The following CPNE8 variants were observed in gnomAD, a reference collection of about 807,000 sequenced individuals.
The protein encoded by CPNE8 is copine-8.
A neutral mutation model predicts 81.5 loss-of-function variants in CPNE8; 45 were observed. The ratio of observed to expected loss-of-function variants is 0.55; its 90% CI spans 0.44 to 0.71. The LOEUF (loss-of-function observed/expected upper bound fraction) is 0.71. CPNE8 is among the 30% of genes least tolerant of loss of function. CPNE8 has a pLI of 0.00. For missense variants in CPNE8, 594 were observed against 672.1 expected (o/e 0.88, Z 1.28); for synonymous variants, 252 against 226.3 (o/e 1.11, Z -1.02).
intron 6 of CPNE8, among the ~76,000 whole-genome samples, chr12:38,797,049 C>G (rs1017460326): frequency 2.6e-5 from 4 of 152,162 alleles, no homozygotes; most frequent in African/African-American, 2.4e-5. Context: ...CCGGGAAGCT[C>G]GAACTGGGTG....
chr12:38,881,012 C>T (rs1407644990), intron 1 of CPNE8, among the ~76,000 whole-genome samples: 1 of 151,898 alleles, frequency 6.6e-6, no homozygotes, highest in Admixed American at 6.6e-5. Context: ...AGATTGAGAC[C>T]ATCCTAGCTA....
At chr12:38,661,685 A>T (rs192507703) in intron 19 of CPNE8, among the ~76,000 whole-genome samples, 1 of 152,170 alleles carries the variant, frequency 6.6e-6, no homozygotes, top group Non-Finnish European at 1.5e-5. Flanking sequence ...TACCAAAACC[A>T]GACAAGGACA....
intron 11 of CPNE8, among the ~76,000 whole-genome samples, chr12:38,728,501 G>A (rs1420497756): frequency 6.6e-6 from 1 of 152,010 alleles, no homozygotes; most frequent in East Asian, 1.9e-4. Flanking sequence ...GAAATAATCA[G>A]TAATTTTGAA....
Position 38,767,638 on chromosome 12 carries a change from C to T in CPNE8, c.572G>A (p.Gly191Asp). 1 of 1,534,470 alleles carries T rather than the reference C, an allele frequency of 6.5e-7. No homozygotes were observed. The highest frequency in any genetic ancestry group is 1.3e-5 in the South Asian group (1 of 77,010). The change falls in exon 8 of 20, where the codon GGC (glycine) becomes GAC (aspartate). Residue 191 changes from glycine (G) to aspartate (D), a missense_variant. By Grantham distance (94) the Gly-to-Asp change is moderately conservative. Coordinates refer to ENST00000331366, the MANE Select transcript of CPNE8 (RefSeq NM_153634.3). ...AATGCATAAAAGATAAATCTACCTG[C>T]CATCTTCATTACTTCGATAAAATAC... ...FLVFYRSNED[G>D]SFTICHKTEV...
intron 18 of CPNE8, among the ~76,000 whole-genome samples, chr12:38,671,703 A>G (rs915160991): frequency 2.6e-5 from 4 of 152,106 alleles, no homozygotes; most frequent in African/African-American, 4.8e-5. Context: ...CCTGGCCCCA[A>G]TACTGCTCAG....
chr12:38,754,000 A>T (rs1941407136), intron 10 of CPNE8, among the ~76,000 whole-genome samples: 1 of 152,210 alleles, frequency 6.6e-6, no homozygotes, highest in African/African-American at 2.4e-5. Flanking sequence ...AGAAACAAAT[A>T]ACTTCAATAT....
chr12:38,662,580 A>T (rs1938983205), intron 19 of CPNE8, among the ~76,000 whole-genome samples: 1 of 152,192 alleles, frequency 6.6e-6, no homozygotes, highest in Non-Finnish European at 1.5e-5. Context: ...CAATCTACAG[A>T]TTTAAAGTAA....
In CPNE8 at chr12:38,849,597, TA is replaced by T. The variant is rs1943613606; in HGVS notation, c.187-936del. Among the ~76,000 whole-genome samples the T allele has an allele frequency of 3.3e-5, 5 of 152,308 alleles. No individual in the cohort carries two copies. In the South Asian group the frequency reaches 1.0e-3, roughly 32 times the overall value. On this transcript the variant is annotated intron_variant, in intron 3 of 19. Coordinates refer to ENST00000331366, the MANE Select transcript of CPNE8 (RefSeq NM_153634.3). ...TAAAATGTGAAGCTTTCTTAAATTGTAATAATAAAACTGTAGTACAAAATAT... is the reference window on the plus strand; with the variant it reads ...TAAAATGTGAAGCTTTCTTAAATTGTATAATAAAACTGTAGTACAAAATAT...
chr12:38,792,995 C>T (rs1474297461), intron 6 of CPNE8, among the ~76,000 whole-genome samples: 1 of 151,854 alleles, frequency 6.6e-6, no homozygotes, highest in Non-Finnish European at 1.5e-5. Context: ...ACATGATCAT[C>T]TTAACTGATG....
chr12:38,720,998 G>C (rs1245092239), intron 13 of CPNE8: 1 of 152,668 alleles, frequency 6.6e-6, no homozygotes, highest in Non-Finnish European at 1.5e-5. Context: ...AAGAGCTCCT[G>C]CCCTCACAGG....
intron 5 of CPNE8, among the ~76,000 whole-genome samples, chr12:38,833,767 C>T (rs914985072): frequency 2.0e-5 from 3 of 151,954 alleles, no homozygotes; most frequent in African/African-American, 4.8e-5. Context: ...TATGAGCCAC[C>T]GCACCCGGCC....
intron 1 of CPNE8, among the ~76,000 whole-genome samples, chr12:38,902,423 A>AAGAAAGAAAG (rs1565670466): frequency 1.2e-4 from 14 of 118,112 alleles, no homozygotes; most frequent in Admixed American, 5.6e-4. Context: ...AAGAAAAAGA[A>AAGAAAGAAAG]AGAAAGAAAG....
intron 1 of CPNE8, among the ~76,000 whole-genome samples, chr12:38,891,841 G>C (rs1455299337): frequency 3.9e-5 from 6 of 152,150 alleles, no homozygotes; most frequent in African/African-American, 1.4e-4. Context: ...TCTATCAAGT[G>C]GCAAACATTT....
At chr12:38,874,136 C>T (rs1364884120) in intron 2 of CPNE8, among the ~76,000 whole-genome samples, 2 of 151,798 alleles carry the variant, frequency 1.3e-5, no homozygotes, top group African/African-American at 2.4e-5. Context: ...AAAAAAGAAA[C>T]GTATTACTCT....
chr12:38,807,007 T>A (rs896157376), intron 6 of CPNE8, among the ~76,000 whole-genome samples: 1 of 151,762 alleles, frequency 6.6e-6, no homozygotes, highest in South Asian at 2.1e-4. Context: ...CACAACTGCT[T>A]CAAAGAGAAT....
chr12:38,707,502 AG>A (rs1237945058), intron 13 of CPNE8, among the ~76,000 whole-genome samples: 1 of 152,114 alleles, frequency 6.6e-6, no homozygotes, highest in Non-Finnish European at 1.5e-5. Flanking sequence ...GAAGAATGAA[AG>A]GCAGGACCAA....
chr12:38,682,664 G>T lies in CPNE8; in HGVS notation c.1271+2826C>A, dbSNP rs112391846. Among the ~76,000 whole-genome samples the T allele has an allele frequency of 1.7e-3, 263 of 152,190 alleles. 1 individual carries two copies. Among genetic ancestry groups the T allele is most frequent in the African/African-American group, 6.0e-3 (251 of 41,554 alleles). On this transcript the variant is annotated intron_variant, in intron 16 of 19. Transcript: ENST00000331366. ...TATATGTATATATGTGCATGTATATGAATGTCACAATGAATAATTCCTCCC... is the reference window on the plus strand; with the variant it reads ...TATATGTATATATGTGCATGTATATTAATGTCACAATGAATAATTCCTCCC...
chr12:38,730,762 T>A (rs959052482), intron 10 of CPNE8, among the ~76,000 whole-genome samples: 1 of 151,644 alleles, frequency 6.6e-6, no homozygotes, highest in South Asian at 2.1e-4. Flanking sequence ...TATAATAATT[T>A]AAGAATCTTC....
rs1469392227 is a variant in CPNE8, at chr12:38,784,551, A to C, written c.408-8250T>G. Among the ~76,000 whole-genome samples, 3 of 152,166 alleles carry C rather than the reference A, an allele frequency of 2.0e-5. No homozygotes were observed. In the East Asian group the frequency reaches 5.8e-4, roughly 29 times the overall value. On this transcript the variant is annotated intron_variant, in intron 6 of 19. Coordinates refer to ENST00000331366, the MANE Select transcript of CPNE8 (RefSeq NM_153634.3). ...ATACTACACCAAACAGATTTAACCC[A>C]AAGAAGACTACCTCAAGGCATGTAG...
Sources: gnomAD v4.1 joint callset for allele counts (sites outside exome capture counted in the v4.1 genomes callset) on GRCh38, gnomAD v4.1.1 for gene constraint, MANE v1.5 for transcripts, NCBI Gene and HGNC (gene_info 2026-07-23, HGNC 2026-07-21) for gene names.